The following FRMPD4 variants were observed in gnomAD, a reference collection of about 807,000 sequenced individuals.
FRMPD4 encodes the protein FERM and PDZ domain-containing protein 4.
FRMPD4 carries 22 observed loss-of-function variants against 94.1 expected under a neutral mutation model. The ratio of observed to expected loss-of-function variants is 0.23; its 90% confidence interval spans 0.17 to 0.33. The LOEUF is 0.33. FRMPD4 is among the 10% of genes least tolerant of loss of function. The pLI, the probability that FRMPD4 is intolerant of heterozygous loss-of-function variation, is 1.00. For missense variants in FRMPD4, 1,111 were observed against 1,339.9 expected (o/e 0.83, Z 2.67); for synonymous variants, 631 against 548.6 (o/e 1.15, Z -2.10).
intron 4 of FRMPD4, among the ~76,000 whole-genome samples, chrX:12,669,974 T>A (rs1602294012): frequency 8.9e-6 from 1 of 112,484 alleles, no homozygotes; most frequent in Middle Eastern, 4.6e-3. Flanking sequence ...ATACAGGGTC[T>A]ATGCTTATTA....
At chrX:12,510,741 A>G (rs1163037238) in intron 2 of FRMPD4, among the ~76,000 whole-genome samples, 2 of 112,608 alleles carry the variant, frequency 1.8e-5, no homozygotes, top group African/African-American at 6.4e-5. Context: ...GGATAGTGCA[A>G]CTAACAGGAA....
At chrX:12,124,597 T>C (rs769689218) in intron 3 of FRMPD4, among the ~76,000 whole-genome samples, 2 of 112,960 alleles carry the variant, frequency 1.8e-5, no homozygotes, top group East Asian at 2.8e-4. Flanking sequence ...AGTAGATGTA[T>C]ATGAATCAAA....
At chrX:12,576,239 C>A (rs1253336903) in intron 2 of FRMPD4, among the ~76,000 whole-genome samples, 1 of 112,510 alleles carries the variant, frequency 8.9e-6, no homozygotes, top group East Asian at 2.8e-4. Context: ...GTTAGATGCT[C>A]TTCTCTAATA....
intron 3 of FRMPD4, among the ~76,000 whole-genome samples, chrX:11,987,402 G>T (rs755462845): frequency 2.9e-4 from 32 of 111,302 alleles, no homozygotes; most frequent in African/African-American, 1.0e-3. Context: ...AAAAAACTGG[G>T]TGTAGAAGGA....
chrX:12,215,774 A>G (rs765792816), intron 1 of FRMPD4, among the ~76,000 whole-genome samples: 10 of 111,831 alleles, frequency 8.9e-5, no homozygotes, highest in African/African-American at 2.6e-4. Context: ...ATGAGCAGCC[A>G]CATTTCTGCC....
At chrX:12,535,717 A>C (rs1038830564) in intron 2 of FRMPD4, among the ~76,000 whole-genome samples, 1 of 112,216 alleles carries the variant, frequency 8.9e-6, no homozygotes, top group Non-Finnish European at 1.9e-5. Context: ...TCATTGGAAC[A>C]CAGTCACACC....
At chrX:12,674,563 C>T (rs924780932) in intron 4 of FRMPD4, among the ~76,000 whole-genome samples, 1 of 112,265 alleles carries the variant, frequency 8.9e-6, no homozygotes. Context: ...GCTTCTAAAA[C>T]TGTTCTTCCC....
At chrX:12,081,347 TTTAC>T (rs1365484535) in intron 3 of FRMPD4, among the ~76,000 whole-genome samples, 3 of 112,025 alleles carry the variant, frequency 2.7e-5, no homozygotes, top group African/African-American at 9.7e-5. Flanking sequence ...TGCCAATATA[TTTAC>T]TTACTTACAG....
At chrX:12,676,864 T>C (rs1432595885) in intron 5 of FRMPD4, among the ~76,000 whole-genome samples, 1 of 112,231 alleles carries the variant, frequency 8.9e-6, no homozygotes, top group Non-Finnish European at 1.9e-5. Context: ...CATGTTCTTA[T>C]AGCCAACAGC....
intron 1 of FRMPD4, among the ~76,000 whole-genome samples, chrX:12,267,549 T>C (rs1447551055): frequency 8.9e-6 from 1 of 112,759 alleles, no homozygotes; most frequent in Admixed American, 9.4e-5. Context: ...CGTTAAGCTG[T>C]TATTTGTCTT....
intron 1 of FRMPD4, among the ~76,000 whole-genome samples, chrX:12,219,540 G>A (rs2056841603): frequency 8.9e-6 from 1 of 112,029 alleles, no homozygotes; most frequent in Admixed American, 9.4e-5. Flanking sequence ...TCAAATTTTA[G>A]TGTGCATAAG....
chrX:11,971,962 C>G (rs950276052), intron 3 of FRMPD4, among the ~76,000 whole-genome samples: 1 of 111,690 alleles, frequency 9.0e-6, no homozygotes, highest in African/African-American at 3.3e-5. Flanking sequence ...GAACAGATGC[C>G]CCTATTCTCA....
chrX:12,571,012 G>A (rs186746805), intron 2 of FRMPD4, among the ~76,000 whole-genome samples: 46 of 112,433 alleles, frequency 4.1e-4, no homozygotes, highest in Admixed American at 8.4e-4. Flanking sequence ...TGCATAAAAG[G>A]GGATTACCAT....
At chrX:12,082,896 C>A (rs1200648286) in intron 3 of FRMPD4, among the ~76,000 whole-genome samples, 5 of 111,848 alleles carry the variant, frequency 4.5e-5, no homozygotes, top group African/African-American at 1.6e-4. Flanking sequence ...TTATAAGCAG[C>A]AAAGCATTCA....
chrX:12,657,342 G>T (rs916257643), intron 4 of FRMPD4, among the ~76,000 whole-genome samples: 20 of 111,432 alleles, frequency 1.8e-4, no homozygotes, highest in Non-Finnish European at 5.6e-5. Context: ...TGGACTGAGG[G>T]CCTCAGTTTC....
At chrX:12,515,763 A>C (rs888295483) in intron 2 of FRMPD4, among the ~76,000 whole-genome samples, 11 of 111,813 alleles carry the variant, frequency 9.8e-5, no homozygotes, top group African/African-American at 2.9e-4. Flanking sequence ...TGTCTCGATG[A>C]TCTGTCTAAT....
At chrX:12,498,021 G>A (rs1321143886) in intron 1 of FRMPD4, among the ~76,000 whole-genome samples, 2 of 111,062 alleles carry the variant, frequency 1.8e-5, no homozygotes, top group African/African-American at 6.6e-5. Flanking sequence ...TCTGACTGCA[G>A]GGGGTGCTGT....
In FRMPD4 at chrX:12,422,319, A is replaced by G. The variant is rs185711784; in HGVS notation, c.42-76361A>G. Among the ~76,000 whole-genome samples the G allele has an allele frequency of 7.1e-3, 797 of 112,262 alleles. 6 individuals are homozygous for G. The highest frequency in any genetic ancestry group is 0.024 in the African/African-American group (742 of 30,891). On this transcript the variant is annotated intron_variant, in intron 1 of 16. Transcript: ENST00000675598. ...GTGTAGGACGCTAGAGACAGGCTGT[A>G]GGCTTTGATATTTGGGGTTTGAAAC...
chrX:12,371,487 G>A (rs1198497385), intron 1 of FRMPD4, among the ~76,000 whole-genome samples: 1 of 112,615 alleles, frequency 8.9e-6, no homozygotes, highest in Non-Finnish European at 1.9e-5. Flanking sequence ...AAAAAACTGA[G>A]CACGAAATTC....
Sources: gnomAD v4.1 joint callset for allele counts (sites outside exome capture counted in the v4.1 genomes callset) on GRCh38, gnomAD v4.1.1 for gene constraint, MANE v1.5 for transcripts, NCBI Gene and HGNC (gene_info 2026-07-23, HGNC 2026-07-21) for gene names.